The following ASXL2 variants were observed in gnomAD, a reference collection of about 807,000 sequenced individuals.
ASXL2 encodes the protein putative Polycomb group protein ASXL2.
A neutral mutation model predicts 122.0 loss-of-function variants in ASXL2; 23 were observed. The ratio of observed to expected loss-of-function variants is 0.19; its 90% CI spans 0.14 to 0.27. The LOEUF (loss-of-function observed/expected upper bound fraction) is 0.27, where lower values mean the gene tolerates loss of function less well. Among genes scored for constraint, ASXL2 ranks in the 10% least tolerant of loss-of-function variants. ASXL2 has a pLI of 1.00. For missense variants in ASXL2, 1,518 were observed against 1,713.8 expected (o/e 0.89, Z 2.02); for synonymous variants, 650 against 637.0 (o/e 1.02, Z -0.31).
intron 3 of ASXL2, among the ~76,000 whole-genome samples, chr2:25,808,813 T>C (rs1398604383): frequency 3.9e-5 from 6 of 152,146 alleles, no homozygotes; most frequent in African/African-American, 1.4e-4. Flanking sequence ...GAGTGTACAT[T>C]TTAAGCCAAT....
intron 2 of ASXL2, among the ~76,000 whole-genome samples, chr2:25,836,808 C>T (rs2089517095): frequency 6.6e-6 from 1 of 152,042 alleles, no homozygotes; most frequent in African/African-American, 2.4e-5. Flanking sequence ...ATATCATGAA[C>T]CCTTGGGATC....
chr2:25,856,925 T>C (rs1559530012), intron 1 of ASXL2: 1 of 623,034 alleles, frequency 1.6e-6, no homozygotes. Context: ...GCTGGGACAG[T>C]GTCCTATACC....
chr2:25,829,518 CA>C (rs1447356915), intron 3 of ASXL2, among the ~76,000 whole-genome samples: 9 of 152,198 alleles, frequency 5.9e-5, no homozygotes, highest in Admixed American at 6.5e-5. Flanking sequence ...ATTTAGCAAA[CA>C]GAGCTTGGAT....
intron 3 of ASXL2, among the ~76,000 whole-genome samples, chr2:25,831,302 CAAA>C (rs943377385): frequency 9.6e-5 from 6 of 62,506 alleles, no homozygotes; most frequent in Non-Finnish European, 6.6e-5. Flanking sequence ...GACTCCGTCT[CAAA>C]AAAAAAAAAA....
At chr2:25,762,183 GTATGA>G (rs1250732740) in intron 8 of ASXL2, among the ~76,000 whole-genome samples, 1 of 151,392 alleles carries the variant, frequency 6.6e-6, no homozygotes, top group African/African-American at 2.4e-5. Flanking sequence ...ATATATAGAA[GTATGA>G]TATATCAATT....
chr2:25,765,552 T>C (rs2088333357), intron 8 of ASXL2, among the ~76,000 whole-genome samples: 2 of 152,196 alleles, frequency 1.3e-5, no homozygotes, highest in Admixed American at 1.3e-4. Context: ...TATTTCCCTT[T>C]ACGCTCATTT....
chr2:25,744,443 G>GA lies in ASXL2; in HGVS notation c.1893dup (p.His632SerfsTer17), dbSNP rs779090275. On this transcript the variant is annotated frameshift_variant, in exon 13 of 13. Transcript: ENST00000435504. LOFTEE classifies it high-confidence loss of function. The surrounding 1 kb of genome is among the most constrained non-coding windows in gnomAD (Gnocchi z 4.7). ...GCCCTGGGAGAGACCTGCGATGGATGAAACGGCATGGGGGAGATTCTGGAG... is the reference window on the plus strand; with the variant it reads ...GCCCTGGGAGAGACCTGCGATGGATGAAAACGGCATGGGGGAGATTCTGGAG... 1 of 1,610,850 alleles carries GA rather than the reference G, an allele frequency of 6.2e-7. No individual in the cohort carries two copies. The highest frequency in any genetic ancestry group is 8.5e-7 in the Non-Finnish European group (1 of 1,179,270).
At position 25,759,645 on chromosome 2, in the gene ASXL2, C is replaced by T. The variant is rs372628454; in HGVS notation, c.776G>A (p.Arg259Lys). The T allele has an allele frequency of 3.7e-6, 6 of 1,605,406 alleles. No homozygotes were observed. The highest frequency in any genetic ancestry group is 2.7e-5 in the African/African-American group (2 of 74,774). The part of the protein sequence containing the change: ...SFQRSERLHT[R>K]QMKRTKCADI... ...AGCACATTTAGTTCTTTTCATTTGTCCTACAAAAACAGAGAAGAATCGTTT... is the reference window on the plus strand; with the variant it reads ...AGCACATTTAGTTCTTTTCATTTGTTCTACAAAAACAGAGAAGAATCGTTT... The change falls in exon 9 of 13, where the codon AGA (arginine) becomes AAA (lysine). Residue 259 changes from arginine (R) to lysine (K), a missense_variant and splice_region_variant. By Grantham distance (26) the Arg-to-Lys change is conservative. This residue lies in a region of ASXL2 where 198 missense variants were observed against 209.0 expected (regional missense o/e 0.95). Transcript: ENST00000435504.
chr2:25,797,170 G>C (rs1293406300), intron 5 of ASXL2, among the ~76,000 whole-genome samples: 2 of 152,228 alleles, frequency 1.3e-5, no homozygotes, highest in African/African-American at 4.8e-5. Flanking sequence ...GGGCTGGATG[G>C]GCGCAGTGGC....
chr2:25,744,278 C>T lies in ASXL2; in HGVS notation c.2059G>A (p.Gly687Arg). The T allele has an allele frequency of 1.9e-6, 3 of 1,613,132 alleles. No individual in the cohort carries two copies. Among genetic ancestry groups the T allele is most frequent in the South Asian group, 1.1e-5 (1 of 91,026 alleles). The change falls in exon 13 of 13, where the codon GGA (glycine) becomes AGA (arginine). Residue 687 changes from glycine to arginine, a missense_variant. Around this residue, in one of 8 missense-constraint regions of ASXL2, gnomAD observed 48 missense variants for 82.1 expected, o/e 0.58. Transcript: ENST00000435504. This position sits in a 1 kb window ranked among gnomAD's most constrained non-coding sequence, Gnocchi z 4.7. Reference protein sequence around the residue: ...AAAAAAAASVGGTIPGPGPGG... With the variant: ...AAAAAAAASVRGTIPGPGPGG... ...GGGCCAGGTCCTGGAATGGTCCCTCCAACTGAGGCGGCTGCAGCAGCTGCG... is the reference window on the plus strand; with the variant it reads ...GGGCCAGGTCCTGGAATGGTCCCTCTAACTGAGGCGGCTGCAGCAGCTGCG...
chr2:25,839,778 CCT>C, intron 2 of ASXL2, among the ~76,000 whole-genome samples: 1 of 151,736 alleles, frequency 6.6e-6, no homozygotes, highest in Middle Eastern at 3.4e-3. Flanking sequence ...GTTTGAATCA[CCT>C]CTGACACTTC....
chr2:25,813,105 C>A (rs2089192134), intron 3 of ASXL2, among the ~76,000 whole-genome samples: 1 of 152,162 alleles, frequency 6.6e-6, no homozygotes. Context: ...GGTAAATTTA[C>A]CCCAATTAAT....
At chr2:25,856,541 T>G in intron 1 of ASXL2, 2 of 1,120,944 alleles carry the variant, frequency 1.8e-6, no homozygotes, top group Non-Finnish European at 1.3e-6. Flanking sequence ...CTCAAATGAG[T>G]TGGTTGTATT....
intron 4 of ASXL2, among the ~76,000 whole-genome samples, chr2:25,802,398 A>G (rs984781315): frequency 4.6e-5 from 7 of 152,154 alleles, no homozygotes; most frequent in Admixed American, 2.0e-4. Flanking sequence ...TATGAAATAT[A>G]TATTTGGTTC....
intron 3 of ASXL2, among the ~76,000 whole-genome samples, chr2:25,833,433 G>T (rs1014263259): frequency 6.6e-6 from 1 of 152,166 alleles, no homozygotes; most frequent in Non-Finnish European, 1.5e-5. Flanking sequence ...GGTGGCTCAT[G>T]CCTGTAATCC....
rs1209353723 is a variant in ASXL2 at position 25,738,813 on chromosome 2, C to T, written c.*3216G>A. On this transcript the variant is annotated 3_prime_UTR_variant, in exon 13 of 13. Transcript: ENST00000435504. Reference sequence around the variant, plus strand: ...TAAAACATGTACATCCGTATGCCTTCACAGCCCAATAAGTATGCTCTCTCC... The same window carrying T: ...TAAAACATGTACATCCGTATGCCTTTACAGCCCAATAAGTATGCTCTCTCC... The T allele has an allele frequency of 6.6e-6, 1 of 152,152 alleles. No individual in the cohort carries two copies. The highest frequency in any genetic ancestry group is 6.6e-5 in the Admixed American group (1 of 15,264). 9.4% of individuals were successfully genotyped at this position (152,152 alleles called of 1,614,324 possible).
chr2:25,802,579 A>G (rs1421172353), intron 4 of ASXL2, among the ~76,000 whole-genome samples: 1 of 152,138 alleles, frequency 6.6e-6, no homozygotes, highest in Non-Finnish European at 1.5e-5. Context: ...CACAGCTCCT[A>G]TGTCCCTTGG....
chr2:25,850,408 A>C lies in ASXL2; in HGVS notation c.58-4845T>G, dbSNP rs756270053. Among the ~76,000 whole-genome samples the C allele has an allele frequency of 2.6e-4, 40 of 152,358 alleles. No individual in the cohort carries two copies. In the Middle Eastern group the frequency reaches 0.014, roughly 52 times the overall value. On this transcript the variant is annotated intron_variant, in intron 1 of 12. Transcript: ENST00000435504. ...CAATTTACTTAGAGAAAAAACTAGT[A>C]AACTGTATTGTAGTTACACACATTC...
intron 5 of ASXL2, among the ~76,000 whole-genome samples, chr2:25,791,520 A>G (rs183615207): frequency 6.6e-6 from 1 of 151,974 alleles, no homozygotes; most frequent in African/African-American, 2.4e-5. Flanking sequence ...TGTACAACAA[A>G]TATCTTGTAA....
Sources: allele counts gnomAD v4.1 joint callset (sites outside exome capture counted in the v4.1 genomes callset), GRCh38; gene constraint gnomAD v4.1.1; regional missense constraint gnomAD v4.1.1; non-coding constraint Gnocchi (gnomAD v3.1); transcripts MANE v1.5; gene names NCBI Gene and HGNC (gene_info 2026-07-23, HGNC 2026-07-21).